GALNTL6: variants seen among roughly 807,000 people sequenced by gnomAD.
GALNTL6 encodes the protein polypeptide N-acetylgalactosaminyltransferase-like 6.
A neutral mutation model predicts 73.7 loss-of-function variants in GALNTL6; 46 were observed. That is an observed-to-expected ratio of 0.62 (90% CI 0.49 to 0.80). The LOEUF is 0.80. Among genes scored for constraint, GALNTL6 ranks in the 30% least tolerant of loss-of-function variants. The probability of loss-of-function intolerance (pLI) is 0.00; values close to 1 mark genes in which losing one functional copy is unlikely to be tolerated. For synonymous variants in GALNTL6, 259 were observed against 263.7 expected (o/e 0.98, Z 0.17); for missense variants, 604 against 755.0 (o/e 0.80, Z 2.34).
intron 2 of GALNTL6, among the ~76,000 whole-genome samples, chr4:171,988,724 G>A (rs574906158): frequency 3.2e-4 from 48 of 152,304 alleles, no homozygotes; most frequent in African/African-American, 1.1e-3. Context: ...GCTGTAACAG[G>A]TGAGTGATAA....
chr4:172,973,409 A>G (rs184134455), intron 10 of GALNTL6, among the ~76,000 whole-genome samples: 38 of 152,346 alleles, frequency 2.5e-4, no homozygotes, highest in Non-Finnish European at 4.0e-4. Flanking sequence ...AGAAATTCAG[A>G]AGTTGAGGGA....
intron 2 of GALNTL6, among the ~76,000 whole-genome samples, chr4:171,890,567 A>G (rs1025911112): frequency 2.0e-5 from 3 of 152,322 alleles, no homozygotes; most frequent in African/African-American, 4.8e-5. Flanking sequence ...GCCATATAAT[A>G]ACCTGATGGC....
intron 5 of GALNTL6, among the ~76,000 whole-genome samples, chr4:172,589,318 G>A (rs571150867): frequency 1.2e-4 from 18 of 152,250 alleles, no homozygotes; most frequent in African/African-American, 4.1e-4. Flanking sequence ...ATGTATATAT[G>A]AATTTTACCA....
Position 172,176,337 on chromosome 4 carries a change from C to CAAAAAA in GALNTL6, c.139-53305_139-53300dup, listed in dbSNP as rs562300659. ...CCTGGGCGACAGCGAGACTCCGTCT[C>CAAAAAA]AAAAAAAAAAAAAAAAAAAGAGTGT... On this transcript the variant is annotated intron_variant, in intron 2 of 12. Coordinates refer to ENST00000506823, the MANE Select transcript of GALNTL6 (RefSeq NM_001034845.3). 2.2e-4 allele frequency among the ~76,000 whole-genome samples: 7 copies of CAAAAAA among 31,356 alleles called. 1 individual carries two copies. Among genetic ancestry groups the CAAAAAA allele is most frequent in the African/African-American group, 9.8e-4 (7 of 7,142 alleles). 20.6% of individuals were successfully genotyped at this position (31,356 alleles called of 152,430 possible). A position where few individuals can be genotyped will look rare whatever the true frequency, so the allele number is the denominator to read the frequency against.
At position 171,853,076 on chromosome 4, in the gene GALNTL6, GA is replaced by G. The variant is rs529263413; in HGVS notation, c.138+38359del. On this transcript the variant is annotated intron_variant, in intron 2 of 12. Transcript: ENST00000506823. Reference sequence around the variant, plus strand: ...GACGGGGTTTCACCGTGTTAGCCAGGATGGTTTTGATCTCCTGACCTCGTGA... The same window carrying G: ...GACGGGGTTTCACCGTGTTAGCCAGGTGGTTTTGATCTCCTGACCTCGTGA... Among the ~76,000 whole-genome samples the G allele has an allele frequency of 1.4e-3, 201 of 139,084 alleles. 1 individual carries two copies. The highest frequency in any genetic ancestry group is 3.3e-3 in the Admixed American group (40 of 12,112). 91.2% of individuals were successfully genotyped at this position (139,084 alleles called of 152,430 possible).
At chr4:172,443,166 CTT>C (rs34479815) in intron 5 of GALNTL6, among the ~76,000 whole-genome samples, 13 of 61,136 alleles carry the variant, frequency 2.1e-4, no homozygotes, top group Admixed American at 4.4e-4. Context: ...ATATATATTT[CTT>C]TTTTTTTTTT....
At chr4:172,153,034 C>A (rs2110765860) in intron 2 of GALNTL6, among the ~76,000 whole-genome samples, 1 of 152,302 alleles carries the variant, frequency 6.6e-6, no homozygotes, top group Non-Finnish European at 1.5e-5. Context: ...TTTGTTCACA[C>A]AGAAATGGAT....
chr4:172,042,026 G>A (rs187098007), intron 2 of GALNTL6, among the ~76,000 whole-genome samples: 9 of 152,124 alleles, frequency 5.9e-5, no homozygotes, highest in Non-Finnish European at 1.0e-4. Context: ...CACTTGAAAA[G>A]GTCATGTGTA....
intron 5 of GALNTL6, among the ~76,000 whole-genome samples, chr4:172,563,801 G>C (rs915233055): frequency 6.6e-6 from 1 of 152,120 alleles, no homozygotes; most frequent in Non-Finnish European, 1.5e-5. Context: ...TAATATTGCA[G>C]ATATTTTTGG....
chr4:171,821,323 G>A (rs1463184482), intron 2 of GALNTL6, among the ~76,000 whole-genome samples: 1 of 152,104 alleles, frequency 6.6e-6, no homozygotes, highest in Non-Finnish European at 1.5e-5. Context: ...TTGCAAGCAT[G>A]AGCCCCCACT....
At chr4:172,785,081 G>A (rs1048535166) in intron 5 of GALNTL6, among the ~76,000 whole-genome samples, 28 of 152,142 alleles carry the variant, frequency 1.8e-4, no homozygotes, top group African/African-American at 6.5e-4. Flanking sequence ...ATAGAGAACA[G>A]AAAGTGGTTC....
chr4:171,988,122 C>G (rs965969743), intron 2 of GALNTL6, among the ~76,000 whole-genome samples: 8 of 152,172 alleles, frequency 5.3e-5, no homozygotes, highest in African/African-American at 9.7e-5. Context: ...CCACTGCACG[C>G]AGACATGAGG....
chr4:172,082,081 T>C (rs1437368135), intron 2 of GALNTL6, among the ~76,000 whole-genome samples: 1 of 152,094 alleles, frequency 6.6e-6, no homozygotes, highest in Non-Finnish European at 1.5e-5. Flanking sequence ...TTCACCATGC[T>C]ATCCAGGCTG....
intron 5 of GALNTL6, among the ~76,000 whole-genome samples, chr4:172,568,779 A>AAAG (rs56220341): frequency 1.3e-5 from 2 of 149,912 alleles, no homozygotes; most frequent in East Asian, 2.0e-4. Flanking sequence ...AAAAAAAAAA[A>AAAG]GTAACAAAGA....
At chr4:172,467,806 T>TTTTCTTTC (rs57581185) in intron 5 of GALNTL6, among the ~76,000 whole-genome samples, 6,026 of 121,766 alleles carry the variant, frequency 0.049, 195 homozygotes, top group East Asian at 0.076. Flanking sequence ...GCATTTTACA[T>TTTTCTTTC]TTTCTTTCTT....
At chr4:172,624,928 G>C (rs6833340) in intron 5 of GALNTL6, among the ~76,000 whole-genome samples, 56,301 of 151,614 alleles carry the variant, frequency 0.37, 11,453 homozygotes, top group African/African-American at 0.52. Flanking sequence ...AGTGAGCATA[G>C]TATCCAGTAG....
intron 2 of GALNTL6, among the ~76,000 whole-genome samples, chr4:171,868,212 C>T (rs2110889881): frequency 6.6e-6 from 1 of 152,168 alleles, no homozygotes; most frequent in East Asian, 1.9e-4. Context: ...TGGTCTCGAA[C>T]TACTGGCCTC....
chr4:172,395,759 CA>C (rs930215617), intron 5 of GALNTL6, among the ~76,000 whole-genome samples: 12 of 151,938 alleles, frequency 7.9e-5, no homozygotes, highest in African/African-American at 2.9e-4. Context: ...GAGTAAATAG[CA>C]AAGTTTTTAA....
chr4:172,675,001 A>G (rs1000922298), intron 5 of GALNTL6, among the ~76,000 whole-genome samples: 1 of 152,134 alleles, frequency 6.6e-6, no homozygotes, highest in South Asian at 2.1e-4. Flanking sequence ...CCAATTCAAA[A>G]CCCTTGCTGG....
Sources: gnomAD v4.1 joint callset for allele counts (sites outside exome capture counted in the v4.1 genomes callset) on GRCh38, gnomAD v4.1.1 for gene constraint, MANE v1.5 for transcripts, NCBI Gene and HGNC (gene_info 2026-07-23, HGNC 2026-07-21) for gene names.